COL11A2: variants seen among roughly 807,000 people sequenced by gnomAD.
COL11A2 encodes collagen type XI alpha 2 chain.
COL11A2 carries 116 observed loss-of-function variants against 273.4 expected under a neutral mutation model. That is an observed-to-expected ratio of 0.42 (90% CI 0.36 to 0.49). The LOEUF is 0.49. COL11A2 is among the 20% of genes least tolerant of loss of function. The pLI is 0.00. For missense variants in COL11A2, 1,866 were observed against 2,309.0 expected (o/e 0.81, Z 3.93); for synonymous variants, 782 against 864.2 (o/e 0.90, Z 1.67).
At chr6:33,174,620 C>T in intron 30 of COL11A2, 40 bp from the exon 31 acceptor site, 1 of 1,598,564 alleles carries the variant, frequency 6.3e-7, no homozygotes. Context: ...GAGAGGAGGC[C>T]CAGATGCCAC....
intron 10 of COL11A2, 82 bp from the exon 11 acceptor site, chr6:33,180,812 G>A: frequency 6.4e-7 from 1 of 1,564,966 alleles, no homozygotes. Flanking sequence ...AGTGGTCTGT[G>A]CAGAACAGAT....
rs767922887 is a variant in COL11A2, at chr6:33,166,504, A to T, written c.4392+9T>A. 3.1e-6 allele frequency: 5 copies of T among 1,613,212 alleles called. No individual in the cohort carries two copies. The East Asian group carries it at 1.1e-4, about 36-fold the overall frequency. ...GGGGATTTTGTGGAGGAACAGAGGC[A>T]GTACTCACGGGGAGGCCGGGGGGAC... On this transcript the variant is annotated intron_variant, in intron 60 of 65. Transcript: ENST00000341947. The surrounding 1 kb of genome is among the most constrained non-coding windows in gnomAD (Gnocchi z 4.8).
Position 33,167,357 on chromosome 6 carries a change from C to A in COL11A2, c.4123-40G>T. On this transcript the variant is annotated intron_variant, in intron 56 of 65. Transcript: ENST00000341947. The surrounding 1 kb of genome is among the most constrained non-coding windows in gnomAD (Gnocchi z 6.1). The stretch of plus-strand genomic sequence containing the variant: ...GGGCCACAGGGGTCAGGAGGAGCAT[C>A]CCCACACTGCACCCCTCCCATGGCC... The A allele has an allele frequency of 6.2e-7, 1 of 1,612,758 alleles. No homozygotes were observed. Among genetic ancestry groups the A allele is most frequent in the South Asian group, 1.1e-5 (1 of 91,070 alleles).
intron 8 of COL11A2, among the ~76,000 whole-genome samples, chr6:33,181,480 TTTC>T (rs1362584444): frequency 5.3e-5 from 8 of 152,116 alleles, no homozygotes; most frequent in Admixed American, 2.0e-4. Context: ...TTTGTTTGTT[TTTC>T]TTTTTTTTTG....
intron 7 of COL11A2, 144 bp downstream of exon 7, chr6:33,184,848 C>A: frequency 1.4e-6 from 1 of 711,602 alleles, no homozygotes; most frequent in Non-Finnish European, 2.5e-6. Context: ...CTAGAGTGAC[C>A]CAAAGACAGA....
rs765708556 is a variant in COL11A2, at chr6:33,169,005, G to A, written c.3802C>T (p.Pro1268Ser). Residue 1268 changes from proline to serine, a missense_variant, in exon 52 of 66, where the codon CCT becomes TCT. By Grantham distance (74) the Pro-to-Ser change is moderately conservative. Transcript: ENST00000341947. The surrounding 1 kb of genome is among the most constrained non-coding windows in gnomAD (Gnocchi z 5.5). ...GDDGPKGNPG[P>S]VGFPGDPGPP... ...CCAGGGTCACCAGGAAAACCAACAG[G>A]ACCCTGATCCAGATGGAGAATAAGA... 8 of 1,607,718 alleles carry A rather than the reference G, an allele frequency of 5.0e-6. No homozygotes were observed. Among genetic ancestry groups the A allele is most frequent in the South Asian group, 2.2e-5 (2 of 90,350 alleles).
chr6:33,174,328 G>T, intron 31 of COL11A2, 110 bp from the exon 32 acceptor site: 1 of 1,465,432 alleles, frequency 6.8e-7, no homozygotes, highest in Non-Finnish European at 9.3e-7. Flanking sequence ...GGAGACCCGA[G>T]CTCTGCCAAG....
rs1158578279 is a variant in COL11A2, at chr6:33,162,991, C to T, written c.*687G>A. 3 of 156,766 alleles carry T rather than the reference C, an allele frequency of 1.9e-5. No individual in the cohort carries two copies. The highest frequency in any genetic ancestry group is 7.2e-5 in the African/African-American group (3 of 41,546). The allele number at this position is 156,766 out of a possible 1,614,324, so 9.7% of individuals were successfully genotyped here. A position where few individuals can be genotyped will look rare whatever the true frequency, so the allele number is the denominator to read the frequency against. On this transcript the variant is annotated 3_prime_UTR_variant, in exon 66 of 66. Transcript: ENST00000341947. This position sits in a 1 kb window ranked among gnomAD's most constrained non-coding sequence, Gnocchi z 4.9. The stretch of plus-strand genomic sequence containing the variant: ...GGGGAGCATCCTGGCCCTCAAGTAG[C>T]AGGCAGTGCCTGCCAAACCCAGACC...
rs1562322729 is a variant in COL11A2 at position 33,169,559 on chromosome 6, C to T, written c.3691-69G>A. 22 of 1,475,162 alleles carry T rather than the reference C, an allele frequency of 1.5e-5. No individual in the cohort carries two copies. Among genetic ancestry groups the T allele is most frequent in the Middle Eastern group, 1.7e-4 (1 of 5,862 alleles). 91.4% of individuals were successfully genotyped at this position (1,475,162 alleles called of 1,614,324 possible). On this transcript the variant is annotated intron_variant, in intron 50 of 65. Transcript: ENST00000341947. This position sits in a 1 kb window ranked among gnomAD's most constrained non-coding sequence, Gnocchi z 5.5. ...AGATCAGGGATGCAGCCTCTGCTTC[C>T]GAGACACCTTCAGCCATCCCCTACT...
At position 33,166,145 on chromosome 6, in the gene COL11A2, G is replaced by A. The variant is rs752011430; in HGVS notation, c.4428+26C>T. The stretch of plus-strand genomic sequence containing the variant: ...TCAAGTCCAGAGGGGGTGGAGCAAA[G>A]GTCAGAGCTGAAGGGGGTCACTCAC... On this transcript the variant is annotated intron_variant, in intron 61 of 65. Coordinates refer to ENST00000341947, the MANE Select transcript of COL11A2 (RefSeq NM_080680.3). This position sits in a 1 kb window ranked among gnomAD's most constrained non-coding sequence, Gnocchi z 4.8. 1 of 1,608,450 alleles carries A rather than the reference G, an allele frequency of 6.2e-7. No individual in the cohort carries two copies. Among genetic ancestry groups the A allele is most frequent in the Non-Finnish European group, 8.5e-7 (1 of 1,177,782 alleles).
In COL11A2 at chr6:33,169,069, G is replaced by A. The variant is rs576860735; in HGVS notation, c.3799-61C>T. 49 of 1,504,076 alleles carry A rather than the reference G, an allele frequency of 3.3e-5. No individual in the cohort carries two copies. Among genetic ancestry groups the A allele is most frequent in the Non-Finnish European group, 4.0e-5 (45 of 1,112,558 alleles). The allele number at this position is 1,504,076 out of a possible 1,614,324, so 93.2% of individuals were successfully genotyped here. A position where few individuals can be genotyped will look rare whatever the true frequency, so the allele number is the denominator to read the frequency against. ...CTCCCTAAGCCCACCCAGCACAGACGCCCACAGGCACACGCCACTGCCTCT... is the reference window on the plus strand; with the variant it reads ...CTCCCTAAGCCCACCCAGCACAGACACCCACAGGCACACGCCACTGCCTCT... On this transcript the variant is annotated intron_variant, in intron 51 of 65. Coordinates refer to ENST00000341947, the MANE Select transcript of COL11A2 (RefSeq NM_080680.3). This position sits in a 1 kb window ranked among gnomAD's most constrained non-coding sequence, Gnocchi z 5.5.
rs1192455667 is a variant in COL11A2, at chr6:33,190,473, C to T, written c.83-1004G>A. On this transcript the variant is annotated intron_variant, in intron 1 of 65. Transcript: ENST00000341947. This position sits in a 1 kb window ranked among gnomAD's most constrained non-coding sequence, Gnocchi z 4.5. ...AAAACAAAAGATCACCTTGCCCTCA[C>T]TTGCTCCCCTATACACATACTCTTC... is the stretch of plus-strand genomic sequence containing the variant. Among the ~76,000 whole-genome samples, 1 of 152,198 alleles carries T rather than the reference C, an allele frequency of 6.6e-6. No homozygotes were observed. Among genetic ancestry groups the T allele is most frequent in the Non-Finnish European group, 1.5e-5 (1 of 68,040 alleles).
In COL11A2 at chr6:33,178,218, A is replaced by C. The variant is rs1358251056; in HGVS notation, c.1819-33T>G. On this transcript the variant is annotated intron_variant, in intron 20 of 65. Transcript: ENST00000341947. The surrounding 1 kb of genome is among the most constrained non-coding windows in gnomAD (Gnocchi z 4.6). ...CACGGTGAGGGGAGGAGACGGCATG[A>C]ATGGATAAAACTGTGTCCCTTTAGT... is the stretch of plus-strand genomic sequence containing the variant. 1.9e-6 allele frequency: 3 copies of C among 1,612,612 alleles called. No individual in the cohort carries two copies. The East Asian group carries it at 6.7e-5, about 36-fold the overall frequency.
In COL11A2 at chr6:33,176,983, C is replaced by G. The variant is rs767188761; in HGVS notation, c.2070+9G>C. 5.0e-6 allele frequency: 8 copies of G among 1,609,804 alleles called. No individual in the cohort carries two copies. Among genetic ancestry groups the G allele is most frequent in the Non-Finnish European group, 6.8e-6 (8 of 1,178,406 alleles). On this transcript the variant is annotated intron_variant, in intron 25 of 65. Transcript: ENST00000341947. The surrounding 1 kb of genome is among the most constrained non-coding windows in gnomAD (Gnocchi z 4.9). ...GGGGAACTGGATTCGGAAGTGGGGT[C>G]CCACTCACCGGGGGTCCGTCTGAGC... is the stretch of plus-strand genomic sequence containing the variant.
intron 11 of COL11A2, 109 bp from the exon 12 acceptor site, chr6:33,180,441 G>C: frequency 9.3e-7 from 1 of 1,074,818 alleles, no homozygotes; most frequent in Non-Finnish European, 1.4e-6. Context: ...GATTGCTCTA[G>C]CTCTTTCCTG....
rs1562333367 is a variant in COL11A2 at position 33,172,238 on chromosome 6, C to A, written c.2988+51G>T. 3.2e-6 allele frequency: 5 copies of A among 1,580,006 alleles called. No homozygotes were observed. In the South Asian group the frequency reaches 3.4e-5, roughly 11 times the overall value. On this transcript the variant is annotated intron_variant, in intron 40 of 65. Transcript: ENST00000341947. The stretch of plus-strand genomic sequence containing the variant: ...GTCAGGGACAGGGTCGGGGTGGGGA[C>A]TCAGGATGCTTGGTGCTTGTGACAG...
Position 33,177,217 on chromosome 6 carries a change from G to T in COL11A2, c.1980C>A (p.Pro660=). ...GAGGGCCGATGGCACCCTGGGGCCC[G>T]GGAAGACCCTACATACAGGGAAAGA... The part of the protein sequence containing the change: ...QQGTPGTQGL[P]GPQGAIGPHG... The change falls in exon 24 of 66, where the codon CCC becomes CCA. Residue 660 remains proline (P), a synonymous_variant. Transcript: ENST00000341947. This position sits in a 1 kb window ranked among gnomAD's most constrained non-coding sequence, Gnocchi z 5.9. The T allele has an allele frequency of 7.4e-6, 12 of 1,612,994 alleles. No homozygotes were observed. Among genetic ancestry groups the T allele is most frequent in the Non-Finnish European group, 1.0e-5 (12 of 1,179,998 alleles).
In COL11A2 at chr6:33,179,362, C is replaced by G; in HGVS notation, c.1503+69G>C. 1 of 1,573,316 alleles carries G rather than the reference C, an allele frequency of 6.4e-7. No individual in the cohort carries two copies. Among genetic ancestry groups the G allele is most frequent in the Non-Finnish European group, 8.6e-7 (1 of 1,159,410 alleles). On this transcript the variant is annotated intron_variant, in intron 14 of 65. Coordinates refer to ENST00000341947, the MANE Select transcript of COL11A2 (RefSeq NM_080680.3). This position sits in a 1 kb window ranked among gnomAD's most constrained non-coding sequence, Gnocchi z 6.4. ...CTCGGAGTGTTCCCCAAAAGAAGCCCCTTTCCAGAACTATCCACACCCCAC... is the reference window on the plus strand; with the variant it reads ...CTCGGAGTGTTCCCCAAAAGAAGCCGCTTTCCAGAACTATCCACACCCCAC...
Position 33,169,489 on chromosome 6 carries a change from C to A in COL11A2, c.3692G>T (p.Gly1231Val). The A allele has an allele frequency of 1.2e-6, 2 of 1,612,666 alleles. No individual in the cohort carries two copies. Among genetic ancestry groups the A allele is most frequent in the Non-Finnish European group, 8.5e-7 (1 of 1,179,846 alleles). Residue 1231 changes from glycine (G) to valine (V), a missense_variant and splice_region_variant, in exon 51 of 66, where the codon GGT becomes GTT. Physicochemically the swap from Gly to Val is moderately radical, Grantham distance 109. Coordinates refer to ENST00000341947, the MANE Select transcript of COL11A2 (RefSeq NM_080680.3). This position sits in a 1 kb window ranked among gnomAD's most constrained non-coding sequence, Gnocchi z 5.5. The stretch of plus-strand genomic sequence containing the variant: ...TTTCTCTCCACGTTCCCCGCGTGGA[C>A]CCTGCAGAACAAGCGGAGGACACAG... ...PGIQGEPGVK[G>V]PRGERGEKGE... is the part of the protein sequence containing the mutation.
Sources: allele counts gnomAD v4.1 joint callset (sites outside exome capture counted in the v4.1 genomes callset), GRCh38; gene constraint gnomAD v4.1.1; non-coding constraint Gnocchi (gnomAD v3.1); transcripts MANE v1.5; gene names NCBI Gene and HGNC (gene_info 2026-07-23, HGNC 2026-07-21).